Variants in SZRD1 observed in about 807,000 individuals in gnomAD.
SZRD1 encodes SUZ RNA-binding domain-containing.
A neutral mutation model predicts 17.6 loss-of-function variants in SZRD1; 7 were observed. The observed-to-expected ratio is 0.40, with a 90% CI of 0.23 to 0.75. The LOEUF (loss-of-function observed/expected upper bound fraction) is 0.75, where lower values mean the gene tolerates loss of function less well. Ranked by LOEUF, SZRD1 falls within the 30% of genes least tolerant of loss-of-function variation. The probability of loss-of-function intolerance (pLI) is 0.38; values close to 1 mark genes in which losing one functional copy is unlikely to be tolerated. For synonymous variants in SZRD1, 77 were observed against 77.9 expected (o/e 0.99, Z 0.06); for missense variants, 178 against 201.8 (o/e 0.88, Z 0.71).
Position 16,397,682 on chromosome 1 carries a change from A to T in SZRD1, c.*2542A>T, listed in dbSNP as rs1320182854. The T allele has an allele frequency of 6.6e-6, 1 of 152,408 alleles. No homozygotes were observed. The highest frequency in any genetic ancestry group is 1.5e-5 in the Non-Finnish European group (1 of 68,228). The allele number at this position is 152,408 out of a possible 1,614,324, so 9.4% of individuals were successfully genotyped here. On this transcript the variant is annotated 3_prime_UTR_variant, in exon 4 of 4. Transcript: ENST00000401088. The surrounding 1 kb of genome is among the most constrained non-coding windows in gnomAD (Gnocchi z 5.4). The stretch of plus-strand genomic sequence containing the variant: ...TCTGATGTCAGCCTATAACCAAAGG[A>T]GCTGGGGGGTCCAGGCCTGGTGACC...
intron 1 of SZRD1, among the ~76,000 whole-genome samples, chr1:16,371,797 A>T (rs2082920067): frequency 6.6e-6 from 1 of 151,954 alleles, no homozygotes; most frequent in Non-Finnish European, 1.5e-5. Context: ...TCTGTTGCCA[A>T]GGTTGGAGTG....
chr1:16,386,155 A>G (rs1043538703), intron 1 of SZRD1, among the ~76,000 whole-genome samples: 1 of 152,238 alleles, frequency 6.6e-6, no homozygotes, highest in Non-Finnish European at 1.5e-5. Context: ...GAGCCTTTCC[A>G]GGAGCAGGAG....
At chr1:16,376,094 A>C (rs757810187) in intron 1 of SZRD1, among the ~76,000 whole-genome samples, 5 of 152,206 alleles carry the variant, frequency 3.3e-5, no homozygotes, top group African/African-American at 9.7e-5. Context: ...AATCATTAGC[A>C]GTGACCTTGT....
chr1:16,376,566 G>A (rs944144829), intron 1 of SZRD1, among the ~76,000 whole-genome samples: 32 of 152,136 alleles, frequency 2.1e-4, no homozygotes, highest in Non-Finnish European at 4.4e-4. Context: ...AGCACTTTGG[G>A]GGGCCGAGGC....
chr1:16,381,790 G>T (rs2083109393), intron 1 of SZRD1, among the ~76,000 whole-genome samples: 1 of 151,404 alleles, frequency 6.6e-6, no homozygotes, highest in Admixed American at 6.6e-5. Flanking sequence ...AAATTAGCCG[G>T]GTGTGGTGGC....
Position 16,391,051 on chromosome 1 carries a change from C to T in SZRD1, c.52-324C>T, listed in dbSNP as rs1043012118. Among the ~76,000 whole-genome samples, 1 of 152,028 alleles carries T rather than the reference C, an allele frequency of 6.6e-6. No individual in the cohort carries two copies. The highest frequency in any genetic ancestry group is 1.5e-5 in the Non-Finnish European group (1 of 68,016). On this transcript the variant is annotated intron_variant, in intron 1 of 3. Transcript: ENST00000401088. This position sits in a 1 kb window ranked among gnomAD's most constrained non-coding sequence, Gnocchi z 4.3. ...TATTTCATAAAATAGAGTAAGTGTT[C>T]CTAAGTTTAGGTTTAGAAGTTGATA...
chr1:16,371,637 A>G (rs938235712), intron 1 of SZRD1, among the ~76,000 whole-genome samples: 3 of 150,538 alleles, frequency 2.0e-5, no homozygotes, highest in Admixed American at 6.6e-5. Context: ...AATTTTTTGT[A>G]TTTTTAGTAG....
At chr1:16,389,323 G>A (rs2100741920) in intron 1 of SZRD1, among the ~76,000 whole-genome samples, 1 of 151,838 alleles carries the variant, frequency 6.6e-6, no homozygotes, top group Middle Eastern at 3.4e-3. Flanking sequence ...GGAGTGCAGT[G>A]GCGCCATCTC....
chr1:16,373,952 C>T (rs2082955036), intron 1 of SZRD1, among the ~76,000 whole-genome samples: 1 of 152,154 alleles, frequency 6.6e-6, no homozygotes, highest in African/African-American at 2.4e-5. Flanking sequence ...TCTTCTCTTT[C>T]TTTGGAGAAG....
At chr1:16,380,461 C>T (rs1357045945) in intron 1 of SZRD1, among the ~76,000 whole-genome samples, 1 of 150,988 alleles carries the variant, frequency 6.6e-6, no homozygotes, top group Non-Finnish European at 1.5e-5. Context: ...TGCCACCATG[C>T]CTGGCTTTTA....
At chr1:16,389,338 C>G (rs2085185875) in intron 1 of SZRD1, among the ~76,000 whole-genome samples, 2 of 151,876 alleles carry the variant, frequency 1.3e-5, no homozygotes, top group South Asian at 4.2e-4. Context: ...CATCTCGGCT[C>G]ACTGCAAGCT....
chr1:16,374,895 T>A (rs2082973740), intron 1 of SZRD1, among the ~76,000 whole-genome samples: 1 of 152,158 alleles, frequency 6.6e-6, no homozygotes, highest in African/African-American at 2.4e-5. Context: ...TTTGTTTTTT[T>A]GAGACGGAGT....
intron 1 of SZRD1, among the ~76,000 whole-genome samples, chr1:16,372,016 G>A (rs1468482049): frequency 6.6e-6 from 1 of 152,196 alleles, no homozygotes; most frequent in Admixed American, 6.5e-5. Context: ...TTAGTATCAA[G>A]TCCTATTGTG....
intron 3 of SZRD1, among the ~76,000 whole-genome samples, chr1:16,394,095 T>A (rs566291605): frequency 6.6e-6 from 1 of 152,218 alleles, no homozygotes; most frequent in Non-Finnish European, 1.5e-5. Flanking sequence ...CACTTTCGAA[T>A]CAAACAGTAT....
At chr1:16,375,096 T>C (rs1173852632) in intron 1 of SZRD1, among the ~76,000 whole-genome samples, 1 of 152,142 alleles carries the variant, frequency 6.6e-6, no homozygotes, top group Non-Finnish European at 1.5e-5. Flanking sequence ...TAGGCCGGTC[T>C]CAAACTCGTG....
intron 1 of SZRD1, among the ~76,000 whole-genome samples, chr1:16,384,213 T>G (rs1356606271): frequency 5.9e-5 from 9 of 151,972 alleles, no homozygotes; most frequent in Admixed American, 5.9e-4. Context: ...ATGGAGGTTG[T>G]TTGGAGAAGT....
intron 1 of SZRD1, among the ~76,000 whole-genome samples, chr1:16,380,434 C>T (rs890460714): frequency 2.0e-5 from 3 of 152,070 alleles, no homozygotes; most frequent in African/African-American, 7.2e-5. Flanking sequence ...TCCCAAGCAG[C>T]TGGAATTACA....
chr1:16,376,805 C>CA (rs59746262), intron 1 of SZRD1, among the ~76,000 whole-genome samples: 1,368 of 75,374 alleles, frequency 0.018, 53 homozygotes, highest in African/African-American at 0.055. Flanking sequence ...GACTCTGTCT[C>CA]AAAAAAAAAA....
At position 16,393,908 on chromosome 1, in the gene SZRD1, C is replaced by T. The variant is rs1167601596; in HGVS notation, c.356+426C>T. On this transcript the variant is annotated intron_variant, in intron 3 of 3. Coordinates refer to ENST00000401088, the MANE Select transcript of SZRD1 (RefSeq NM_001114600.3). This position sits in a 1 kb window ranked among gnomAD's most constrained non-coding sequence, Gnocchi z 5.6. ...TTGTGCAATTCAGTGAGTAAATGAG[C>T]ATAGGATGTGGAGAGCCTGGGCTGG... 2.0e-5 allele frequency among the ~76,000 whole-genome samples: 3 copies of T among 152,170 alleles called. No individual in the cohort carries two copies. The highest frequency in any genetic ancestry group is 7.2e-5 in the African/African-American group (3 of 41,444).
Sources: allele counts gnomAD v4.1 joint callset (sites outside exome capture counted in the v4.1 genomes callset), GRCh38; gene constraint gnomAD v4.1.1; non-coding constraint Gnocchi (gnomAD v3.1); transcripts MANE v1.5; gene names NCBI Gene and HGNC (gene_info 2026-07-23, HGNC 2026-07-21).